Variants in GSTA2 observed in about 807,000 individuals in gnomAD.
GSTA2 encodes the protein glutathione S-transferase A2.
Under a neutral mutation model 22.4 loss-of-function variants are expected in GSTA2, and 27 were observed. The ratio of observed to expected loss-of-function variants is 1.21; its 90% CI spans 0.89 to 1.67. The LOEUF is 1.67. Ranked by LOEUF, GSTA2 falls within the 40% of genes most tolerant of loss-of-function variation. The pLI, the probability that GSTA2 is intolerant of heterozygous loss-of-function variation, is 0.00. For missense variants in GSTA2, 302 were observed against 260.2 expected, an observed-to-expected ratio of 1.16 and a Z score of -1.11; for synonymous variants, 121 against 86.8, an observed-to-expected ratio of 1.39 and a Z score of -2.19.
chr6:52,758,629 T>A (rs191795478), intron 1 of GSTA2, among the ~76,000 whole-genome samples: 4 of 152,200 alleles, frequency 2.6e-5, no homozygotes, highest in South Asian at 2.1e-4. Flanking sequence ...CTGCATTTGA[T>A]CAAAACCAGA....
At chr6:52,761,372 A>G (rs1762946839) in intron 1 of GSTA2, among the ~76,000 whole-genome samples, 2 of 152,126 alleles carry the variant, frequency 1.3e-5, no homozygotes, top group African/African-American at 4.8e-5. Flanking sequence ...GTATTATTTT[A>G]TCTATCAATC....
At chr6:52,760,512 A>G (rs1762933192) in intron 1 of GSTA2, among the ~76,000 whole-genome samples, 1 of 152,162 alleles carries the variant, frequency 6.6e-6, no homozygotes, top group African/African-American at 2.4e-5. Context: ...ACCCTGGGAA[A>G]TGGCTCCTAT....
intron 1 of GSTA2, among the ~76,000 whole-genome samples, chr6:52,761,170 G>C (rs1311102786): frequency 6.6e-6 from 1 of 152,136 alleles, no homozygotes; most frequent in African/African-American, 2.4e-5. Flanking sequence ...ATGAGATAAT[G>C]TAGAAAAAAA....
intron 4 of GSTA2, among the ~76,000 whole-genome samples, chr6:52,753,733 A>G (rs2127286176): frequency 6.6e-6 from 1 of 152,340 alleles, no homozygotes; most frequent in African/African-American, 2.4e-5. Flanking sequence ...TTCACATACT[A>G]TAATTGCCAC....
chr6:52,750,754 C>G lies in GSTA2; in HGVS notation c.547-55G>C. ...AACAACAAGTCAAGGGCTGACACCC[C>G]CATTAACATGACCCAGGGAATCTGA... On this transcript the variant is annotated intron_variant, in intron 6 of 6. Transcript: ENST00000493422. 2.5e-6 allele frequency: 4 copies of G among 1,596,024 alleles called. No individual in the cohort carries two copies. The South Asian group carries it at 4.5e-5, about 18-fold the overall frequency.
chr6:52,756,239 ACTTAGAGGTTGAT>A lies in GSTA2; in HGVS notation c.139+6_139+18del. 1 of 1,583,788 alleles carries A rather than the reference ACTTAGAGGTTGAT, an allele frequency of 6.3e-7. No homozygotes were observed. Among genetic ancestry groups the A allele is most frequent in the African/African-American group, 1.3e-5 (1 of 74,392 alleles). On this transcript the variant is annotated splice_donor_region_variant and intron_variant, in intron 3 of 6. Transcript: ENST00000493422. ...TCTACTAGATACCCTCATTAGAGAA[ACTTAGAGGTTGAT>A]CTTACCATTTCTTAACTTGTCCAAA...
At chr6:52,762,552 C>A (rs1004519214) in intron 1 of GSTA2, among the ~76,000 whole-genome samples, 1 of 152,118 alleles carries the variant, frequency 6.6e-6, no homozygotes, top group Non-Finnish European at 1.5e-5. Flanking sequence ...TCCTGCTGAC[C>A]CTCTCCCCAC....
intron 1 of GSTA2, among the ~76,000 whole-genome samples, chr6:52,759,067 G>A (rs549326268): frequency 6.6e-6 from 1 of 152,282 alleles, no homozygotes; most frequent in Admixed American, 6.5e-5. Context: ...TCTCTCAGCA[G>A]ATTGTGAAAT....
intron 3 of GSTA2, among the ~76,000 whole-genome samples, 195 bp downstream of exon 3, chr6:52,756,063 G>T (rs1248699740): frequency 6.6e-6 from 1 of 152,108 alleles, no homozygotes; most frequent in Non-Finnish European, 1.5e-5. Context: ...ACTCTGAGAG[G>T]TCTGGTCCTT....
At chr6:52,760,542 T>C (rs1426897493) in intron 1 of GSTA2, among the ~76,000 whole-genome samples, 14 of 152,102 alleles carry the variant, frequency 9.2e-5, no homozygotes, top group African/African-American at 2.7e-4. Context: ...TAAAGATGGG[T>C]ACACTGAATT....
At chr6:52,760,561 C>A (rs1172507007) in intron 1 of GSTA2, among the ~76,000 whole-genome samples, 2 of 152,174 alleles carry the variant, frequency 1.3e-5, no homozygotes, top group Admixed American at 1.3e-4. Flanking sequence ...TTTCAGAGAG[C>A]TAAAGCACCT....
At chr6:52,754,683 G>A (rs1581773226) in intron 4 of GSTA2, among the ~76,000 whole-genome samples, 1 of 152,078 alleles carries the variant, frequency 6.6e-6, no homozygotes, top group South Asian at 2.1e-4. Context: ...AGTTCATTGG[G>A]TTTATGAGAG....
chr6:52,755,340 T>G (rs74491633), intron 3 of GSTA2, among the ~76,000 whole-genome samples: 2,699 of 151,864 alleles, frequency 0.018, 84 homozygotes, highest in African/African-American at 0.061. Flanking sequence ...TCAGCCTCTC[T>G]ATAGCTGAGA....
At chr6:52,755,871 A>C (rs1762832459) in intron 3 of GSTA2, among the ~76,000 whole-genome samples, 1 of 152,018 alleles carries the variant, frequency 6.6e-6, no homozygotes, top group Non-Finnish European at 1.5e-5. Context: ...TGAAAGAAAA[A>C]ACTCAAGACA....
Position 52,752,864 on chromosome 6 carries a change from G to A in GSTA2, c.404C>T (p.Ala135Val). 6.2e-7 allele frequency: 1 copy of A among 1,613,800 alleles called. No individual in the cohort carries two copies. The highest frequency in any genetic ancestry group is 8.5e-7 in the Non-Finnish European group (1 of 1,179,838). ...AACAGCTTCACTTACTTTTTCAAAG[G>A]CAGGGAAGTAGCGATTTTTTGTTTT... ...QEKTKNRYFP[A>V]FEKVLKSHGQ... Residue 135 changes from alanine (A) to valine (V), a missense_variant, in exon 5 of 7, where the codon GCC (alanine) becomes GTC (valine). Transcript: ENST00000493422.
At chr6:52,756,427 G>A (rs1288271998) in intron 2 of GSTA2, 118 bp from the exon 3 acceptor site, 3 of 789,556 alleles carry the variant, frequency 3.8e-6, no homozygotes, top group East Asian at 5.4e-5. Flanking sequence ...AGTTTGGCAG[G>A]GTACACAGAG....
chr6:52,760,010 C>T (rs1364563007), intron 1 of GSTA2, among the ~76,000 whole-genome samples: 1 of 152,156 alleles, frequency 6.6e-6, no homozygotes, highest in African/African-American at 2.4e-5. Context: ...TCTTTGAAAT[C>T]ATACTGAATC....
At chr6:52,761,377 T>C (rs1301042115) in intron 1 of GSTA2, among the ~76,000 whole-genome samples, 1 of 152,186 alleles carries the variant, frequency 6.6e-6, no homozygotes, top group African/African-American at 2.4e-5. Context: ...ATTTTATCTA[T>C]CAATCGTTCT....
intron 1 of GSTA2, among the ~76,000 whole-genome samples, chr6:52,761,517 T>A (rs1762949896): frequency 6.9e-6 from 1 of 145,824 alleles, no homozygotes; most frequent in Non-Finnish European, 1.5e-5. Context: ...CAGACTTATA[T>A]CAAATCTGTC....
Sources: gnomAD v4.1 joint callset for allele counts (sites outside exome capture counted in the v4.1 genomes callset) on GRCh38, gnomAD v4.1.1 for gene constraint, MANE v1.5 for transcripts, NCBI Gene and HGNC (gene_info 2026-07-23, HGNC 2026-07-21) for gene names.